The following NCAM2 variants were observed in gnomAD, a reference collection of about 807,000 sequenced individuals.
NCAM2 encodes N-CAM-2.
NCAM2 carries 30 observed loss-of-function variants against 98.1 expected under a neutral mutation model. The ratio of observed to expected loss-of-function variants is 0.31; its 90% CI spans 0.23 to 0.41. NCAM2 has a LOEUF of 0.41. NCAM2 is among the 10% of genes least tolerant of loss of function. The pLI, the probability that NCAM2 is intolerant of heterozygous loss-of-function variation, is 1.00. For synonymous variants in NCAM2, 368 were observed against 342.4 expected, an observed-to-expected ratio of 1.07 and a Z score of -0.83; for missense variants, 867 against 1,005.8, an observed-to-expected ratio of 0.86 and a Z score of 1.87.
At chr21:21,264,969 A>ATGTG (rs1272515721) in intron 1 of NCAM2, among the ~76,000 whole-genome samples, 2 of 129,704 alleles carry the variant, frequency 1.5e-5, no homozygotes, top group South Asian at 4.9e-4. Flanking sequence ...GTGTATATAT[A>ATGTG]CACATATATA....
At chr21:21,126,061 G>C (rs1330051335) in intron 1 of NCAM2, among the ~76,000 whole-genome samples, 1 of 151,546 alleles carries the variant, frequency 6.6e-6, no homozygotes, top group African/African-American at 2.4e-5. Context: ...ATGAAAACTG[G>C]CTACATCCAG....
chr21:21,461,211 AT>A (rs1294718959), intron 12 of NCAM2, among the ~76,000 whole-genome samples: 1 of 151,938 alleles, frequency 6.6e-6, no homozygotes, highest in Non-Finnish European at 1.5e-5. Flanking sequence ...ACTAAGAAGT[AT>A]TATATTTGAA....
chr21:21,459,383 A>G (rs1236703921), intron 12 of NCAM2, among the ~76,000 whole-genome samples: 1 of 151,144 alleles, frequency 6.6e-6, no homozygotes, highest in African/African-American at 2.4e-5. Flanking sequence ...CTTAATGTCT[A>G]TCTGTGAATG....
chr21:21,391,095 G>A (rs1164542115), intron 9 of NCAM2, among the ~76,000 whole-genome samples: 1 of 152,162 alleles, frequency 6.6e-6, no homozygotes, highest in Non-Finnish European at 1.5e-5. Flanking sequence ...GTGCATGCAT[G>A]TAATCACACC....
chr21:21,286,243 TGATTTG>T lies in NCAM2; in HGVS notation c.338-25_338-20del. 6 of 1,555,464 alleles carry T rather than the reference TGATTTG, an allele frequency of 3.9e-6. No individual in the cohort carries two copies. In the Admixed American group the frequency reaches 1.2e-4, roughly 30 times the overall value. ...TGATACTTTTGTGATTTGTGATTTG[TGATTTG>T]TTTTACTTTGTTGATACAGAAAAAC... On this transcript the variant is annotated intron_variant, in intron 3 of 17. Transcript: ENST00000400546.
At chr21:21,380,302 G>A (rs968908044) in intron 9 of NCAM2, among the ~76,000 whole-genome samples, 1 of 152,132 alleles carries the variant, frequency 6.6e-6, no homozygotes, top group Non-Finnish European at 1.5e-5. Context: ...CCATGACTGT[G>A]AACTATTTTT....
chr21:21,232,958 A>G (rs538017181), intron 1 of NCAM2, among the ~76,000 whole-genome samples: 47 of 151,740 alleles, frequency 3.1e-4, no homozygotes, highest in African/African-American at 7.5e-4. Context: ...GAAAATTTCT[A>G]TATTTCTACT....
In NCAM2 at chr21:21,103,422, G is replaced by A. The variant is rs1253551378; in HGVS notation, c.55+104804G>A. ...AATACAAATCCAGAAAGCACACACA[G>A]AATAATTTATTAGGCAGTATAATAG... is the stretch of plus-strand genomic sequence containing the variant. On this transcript the variant is annotated intron_variant, in intron 1 of 17. Coordinates refer to ENST00000400546, the MANE Select transcript of NCAM2 (RefSeq NM_004540.5). 2.6e-5 allele frequency among the ~76,000 whole-genome samples: 4 copies of A among 151,860 alleles called. No homozygotes were observed. In the East Asian group the frequency reaches 7.7e-4, roughly 29 times the overall value.
intron 1 of NCAM2, among the ~76,000 whole-genome samples, chr21:21,171,302 ATTAG>A (rs966024123): frequency 2.2e-4 from 34 of 152,246 alleles, no homozygotes; most frequent in Non-Finnish European, 4.1e-4. Flanking sequence ...TAGAAAAAAA[ATTAG>A]TTAGAACTAA....
chr21:21,470,523 A>C (rs1984308759), intron 14 of NCAM2, among the ~76,000 whole-genome samples: 1 of 152,032 alleles, frequency 6.6e-6, no homozygotes, highest in Non-Finnish European at 1.5e-5. Flanking sequence ...GATAAAGTTT[A>C]AACAAGAACA....
chr21:21,322,070 C>T (rs368942569), intron 5 of NCAM2, among the ~76,000 whole-genome samples: 2 of 152,260 alleles, frequency 1.3e-5, no homozygotes, highest in South Asian at 2.1e-4. Flanking sequence ...TACCCATCAA[C>T]GGTGGACTGG....
At chr21:21,100,658 A>C (rs1232149802) in intron 1 of NCAM2, among the ~76,000 whole-genome samples, 1 of 152,090 alleles carries the variant, frequency 6.6e-6, no homozygotes, top group African/African-American at 2.4e-5. Flanking sequence ...CTAACACTTG[A>C]GTCTACTTCC....
At chr21:21,240,471 G>C (rs1024134620) in intron 1 of NCAM2, among the ~76,000 whole-genome samples, 3 of 152,046 alleles carry the variant, frequency 2.0e-5, no homozygotes, top group Non-Finnish European at 4.4e-5. Flanking sequence ...CAGCCAAAGG[G>C]AAGGCTACGT....
intron 9 of NCAM2, among the ~76,000 whole-genome samples, chr21:21,384,615 C>T (rs2076226242): frequency 6.6e-6 from 1 of 151,826 alleles, no homozygotes; most frequent in African/African-American, 2.4e-5. Flanking sequence ...ATATATTTGC[C>T]TAACCTCTTC....
chr21:21,116,300 A>C (rs1344016037), intron 1 of NCAM2, among the ~76,000 whole-genome samples: 1 of 152,160 alleles, frequency 6.6e-6, no homozygotes, highest in Non-Finnish European at 1.5e-5. Flanking sequence ...AAAATACTTG[A>C]CTACTACACA....
At chr21:21,313,248 C>T (rs911552228) in intron 5 of NCAM2, among the ~76,000 whole-genome samples, 2 of 151,486 alleles carry the variant, frequency 1.3e-5, no homozygotes, top group African/African-American at 4.8e-5. Context: ...TTGTTTTCTT[C>T]CTCCTGCTTA....
chr21:21,137,915 G>C (rs1333627875), intron 1 of NCAM2, among the ~76,000 whole-genome samples: 2 of 140,412 alleles, frequency 1.4e-5, no homozygotes, highest in Non-Finnish European at 3.1e-5. Flanking sequence ...ATGAGTGTAG[G>C]ATATTAGCAG....
intron 1 of NCAM2, among the ~76,000 whole-genome samples, chr21:21,042,126 A>G (rs1173106086): frequency 2.6e-5 from 4 of 152,218 alleles, no homozygotes; most frequent in Non-Finnish European, 4.4e-5. Flanking sequence ...AGATGGGTCA[A>G]TCTGACTCTA....
At chr21:21,143,664 C>T (rs978457946) in intron 1 of NCAM2, among the ~76,000 whole-genome samples, 4 of 151,842 alleles carry the variant, frequency 2.6e-5, no homozygotes, top group Admixed American at 2.0e-4. Context: ...GTATTTTTTT[C>T]CCTCACTGTT....
Sources: allele counts gnomAD v4.1 joint callset (sites outside exome capture counted in the v4.1 genomes callset), GRCh38; gene constraint gnomAD v4.1.1; transcripts MANE v1.5; gene names NCBI Gene and HGNC (gene_info 2026-07-23, HGNC 2026-07-21).